Variants in SPATS1 observed in about 807,000 individuals in gnomAD.
The protein encoded by SPATS1 is spermatogenesis associated serine rich 1, also known as spermatogenesis-associated serine-rich protein 1.
SPATS1 carries 23 observed loss-of-function variants against 33.6 expected under a neutral mutation model. That is an observed-to-expected ratio of 0.68 (90% CI 0.49 to 0.97). The LOEUF (loss-of-function observed/expected upper bound fraction) is 0.97, where lower values mean the gene tolerates loss of function less well. Ranked by LOEUF, SPATS1 falls within the 50% of genes least tolerant of loss-of-function variation. SPATS1 has a pLI of 0.00. For synonymous variants in SPATS1, 131 were observed against 125.6 expected (o/e 1.04, Z -0.29); for missense variants, 327 against 361.0 (o/e 0.91, Z 0.76).
chr6:44,370,463 G>A (rs933690064), intron 7 of SPATS1, among the ~76,000 whole-genome samples: 1 of 152,164 alleles, frequency 6.6e-6, no homozygotes, highest in African/African-American at 2.4e-5. Flanking sequence ...ATTGCAACTG[G>A]CGAGAATGGT....
intron 7 of SPATS1, among the ~76,000 whole-genome samples, chr6:44,373,466 T>C (rs974326564): frequency 1.3e-5 from 2 of 152,246 alleles, no homozygotes; most frequent in African/African-American, 4.8e-5. Flanking sequence ...TTATTATCTA[T>C]GAATAGAAAT....
chr6:44,346,576 G>T (rs1325194282), intron 2 of SPATS1, among the ~76,000 whole-genome samples: 1 of 152,056 alleles, frequency 6.6e-6, no homozygotes, highest in East Asian at 1.9e-4. Context: ...TAGAGACCAG[G>T]TCTCCATATG....
intron 2 of SPATS1, among the ~76,000 whole-genome samples, chr6:44,349,526 ATAAAT>A (rs947720626): frequency 1.3e-5 from 2 of 152,186 alleles, no homozygotes; most frequent in Admixed American, 6.5e-5. Context: ...AAATCTATAA[ATAAAT>A]TAAAAGAATG....
chr6:44,362,825 GA>G lies in SPATS1; in HGVS notation c.574+834del, dbSNP rs576998893. On this transcript the variant is annotated intron_variant, in intron 5 of 8. Coordinates refer to ENST00000674044, the MANE Select transcript of SPATS1 (RefSeq NM_001372081.1). Reference sequence around the variant, plus strand: ...GGTCATTGATATGGAAATCCGTGAGGAGTCCTGCACCTTGCACTTTTTTTTT... The same window carrying G: ...GGTCATTGATATGGAAATCCGTGAGGGTCCTGCACCTTGCACTTTTTTTTT... Among the ~76,000 whole-genome samples, 165 of 152,142 alleles carry G rather than the reference GA, an allele frequency of 1.1e-3. 1 individual carries two copies. The highest frequency in any genetic ancestry group is 1.5e-4 in the Non-Finnish European group (10 of 67,996).
intron 2 of SPATS1, among the ~76,000 whole-genome samples, chr6:44,347,045 T>C (rs1477105052): frequency 2.6e-5 from 4 of 152,096 alleles, no homozygotes; most frequent in African/African-American, 9.7e-5. Flanking sequence ...TATGCAGCCA[T>C]AAAAAAGGAT....
At chr6:44,361,704 G>T in intron 4 of SPATS1, 127 bp from the exon 5 acceptor site, 1 of 1,327,352 alleles carries the variant, frequency 7.5e-7, no homozygotes. Flanking sequence ...TAGAACCAAG[G>T]GATTATACAC....
intron 3 of SPATS1, among the ~76,000 whole-genome samples, chr6:44,358,750 A>T (rs1788735222): frequency 6.6e-6 from 1 of 152,176 alleles, no homozygotes; most frequent in Non-Finnish European, 1.5e-5. Flanking sequence ...TGAGACAACC[A>T]TTAATCTACT....
At chr6:44,364,195 TTAACA>T (rs1249179157) in intron 5 of SPATS1, among the ~76,000 whole-genome samples, 2 of 152,242 alleles carry the variant, frequency 1.3e-5, no homozygotes, top group African/African-American at 4.8e-5. Context: ...GATTATTTTA[TTAACA>T]TAACCACAAT....
chr6:44,366,531 G>T (rs527767768), intron 5 of SPATS1, among the ~76,000 whole-genome samples: 2 of 152,288 alleles, frequency 1.3e-5, no homozygotes, highest in Admixed American at 1.3e-4. Context: ...TTCTGAAACA[G>T]AATTTCTTGG....
chr6:44,361,909 G>T lies in SPATS1; in HGVS notation c.491G>T (p.Cys164Phe). The T allele has an allele frequency of 6.2e-7, 1 of 1,614,248 alleles. No individual in the cohort carries two copies. ...CACACCTACCACGTCGGAAAGCAGT[G>T]CTTCTTTAATGGAGTCTTCCTCGGC... ...NIHTYHVGKQ[C>F]FFNGVFLGNK... The change falls in exon 5 of 9, where the codon TGC becomes TTC. Residue 164 changes from cysteine (C) to phenylalanine (F), a missense_variant. Physicochemically the swap from Cys to Phe is radical, Grantham distance 205. Coordinates refer to ENST00000674044, the MANE Select transcript of SPATS1 (RefSeq NM_001372081.1).
intron 2 of SPATS1, among the ~76,000 whole-genome samples, chr6:44,350,988 G>C (rs1788195372): frequency 6.6e-6 from 1 of 151,778 alleles, no homozygotes; most frequent in Non-Finnish European, 1.5e-5. Flanking sequence ...GCCAGGCATG[G>C]TGGCGAGTGC....
At chr6:44,366,534 T>C (rs1789260090) in intron 5 of SPATS1, among the ~76,000 whole-genome samples, 1 of 152,228 alleles carries the variant, frequency 6.6e-6, no homozygotes, top group African/African-American at 2.4e-5. Context: ...TGAAACAGAA[T>C]TTCTTGGGTT....
chr6:44,350,800 CG>C (rs1788185406), intron 2 of SPATS1, among the ~76,000 whole-genome samples: 1 of 152,116 alleles, frequency 6.6e-6, no homozygotes, highest in South Asian at 2.1e-4. Context: ...TTGGCAGATT[CG>C]ACCAACTGCC....
At position 44,351,030 on chromosome 6, in the gene SPATS1, A is replaced by G. The variant is rs934581041; in HGVS notation, c.140-1696A>G. Reference sequence around the variant, plus strand: ...TACCAGCTACTCATGAGGCTGAGGCAGGAGAATCACCTGAACCCAGAGGCG... The same window carrying G: ...TACCAGCTACTCATGAGGCTGAGGCGGGAGAATCACCTGAACCCAGAGGCG... On this transcript the variant is annotated intron_variant, in intron 2 of 8. Coordinates refer to ENST00000674044, the MANE Select transcript of SPATS1 (RefSeq NM_001372081.1). 6.0e-5 allele frequency among the ~76,000 whole-genome samples: 9 copies of G among 149,694 alleles called. 1 individual carries two copies. The highest frequency in any genetic ancestry group is 2.2e-4 in the African/African-American group (9 of 40,778).
chr6:44,348,207 C>T (rs1007873866), intron 2 of SPATS1, among the ~76,000 whole-genome samples: 1 of 152,028 alleles, frequency 6.6e-6, no homozygotes, highest in Non-Finnish European at 1.5e-5. Flanking sequence ...CGGAGTTTCA[C>T]CATGTTGGGC....
rs1312526827 is a variant in SPATS1, at chr6:44,343,160, C to A, written c.65C>A (p.Thr22Lys). 1.2e-6 allele frequency: 2 copies of A among 1,613,992 alleles called. No individual in the cohort carries two copies. The highest frequency in any genetic ancestry group is 2.7e-5 in the African/African-American group (2 of 74,902). ...TGCCGTCTCCCCTCCATCTCAAGCA[C>A]GACCTGCGGCAGACAGCTGGAGAAG... ...RGCRLPSISSTTCGRQLEKVP... is the reference protein window; with the variant it reads ...RGCRLPSISSKTCGRQLEKVP... Residue 22 changes from threonine (T) to lysine (K), a missense_variant, in exon 2 of 9, where the codon ACG (threonine) becomes AAG (lysine). By Grantham distance (78) the Thr-to-Lys change is moderately conservative. Transcript: ENST00000674044.
chr6:44,355,474 G>A (rs961527567), intron 3 of SPATS1, among the ~76,000 whole-genome samples: 2 of 152,140 alleles, frequency 1.3e-5, no homozygotes, highest in Non-Finnish European at 2.9e-5. Context: ...ATACCTTTGA[G>A]TGTTTTTCAA....
rs1195985122 is a variant in SPATS1, at chr6:44,379,767, G to C, written c.*2704G>C. The stretch of plus-strand genomic sequence containing the variant: ...TTGATTCCTTTTTCTTTTAATCCAG[G>C]CCGCAAAAACCATGAGTAAAAAAAA... On this transcript the variant is annotated 3_prime_UTR_variant, in exon 9 of 9. Transcript: ENST00000674044. Among the ~76,000 whole-genome samples the C allele has an allele frequency of 6.7e-6, 1 of 148,476 alleles. No individual in the cohort carries two copies. Among genetic ancestry groups the C allele is most frequent in the African/African-American group, 2.5e-5 (1 of 40,502 alleles).
At position 44,368,361 on chromosome 6, in the gene SPATS1, T is replaced by G. The variant is rs1789372546; in HGVS notation, c.575-18T>G. 6.2e-7 allele frequency: 1 copy of G among 1,610,452 alleles called. No individual in the cohort carries two copies. The highest frequency in any genetic ancestry group is 1.3e-5 in the African/African-American group (1 of 74,998). ...TCTTCAGCCCTTGTATGATTTTGTT[T>G]TCAAACCTTCTCCACAGATATTGAT... On this transcript the variant is annotated intron_variant, in intron 5 of 8. Transcript: ENST00000674044.
Sources: allele counts gnomAD v4.1 joint callset (sites outside exome capture counted in the v4.1 genomes callset), GRCh38; gene constraint gnomAD v4.1.1; transcripts MANE v1.5; gene names NCBI Gene and HGNC (gene_info 2026-07-23, HGNC 2026-07-21).